KLF12: variants seen among roughly 807,000 people sequenced by gnomAD.
KLF12 encodes Krueppel-like factor 12.
KLF12 carries 9 observed loss-of-function variants against 37.8 expected under a neutral mutation model. The ratio of observed to expected loss-of-function variants is 0.24; its 90% CI spans 0.14 to 0.42. The LOEUF (loss-of-function observed/expected upper bound fraction) is 0.42, where lower values mean the gene tolerates loss of function less well. KLF12 is among the 10% of genes least tolerant of loss of function. The pLI, the probability that KLF12 is intolerant of heterozygous loss-of-function variation, is 1.00. For missense variants in KLF12, 411 were observed against 516.0 expected (o/e 0.80, Z 1.97); for synonymous variants, 208 against 202.1 (o/e 1.03, Z -0.25).
At chr13:74,111,230 A>G (rs886903131) in intron 1 of KLF12, among the ~76,000 whole-genome samples, 1 of 152,086 alleles carries the variant, frequency 6.6e-6, no homozygotes, top group Non-Finnish European at 1.5e-5. Flanking sequence ...AGCAAATTTT[A>G]TTGATTCACT....
chr13:74,167,397 T>C, the KLF12 span, among the ~76,000 whole-genome samples: 1 of 152,318 alleles, frequency 6.6e-6, no homozygotes. Flanking sequence ...AATAGCTCCT[T>C]TTCCTAGACG....
At chr13:74,028,542 T>C (rs1893034279) in intron 1 of KLF12, among the ~76,000 whole-genome samples, 1 of 152,096 alleles carries the variant, frequency 6.6e-6, no homozygotes, top group Non-Finnish European at 1.5e-5. Context: ...ACAATATATA[T>C]ACATATTTTA....
At chr13:74,274,531 T>C in the KLF12 span, among the ~76,000 whole-genome samples, 1 of 152,162 alleles carries the variant, frequency 6.6e-6, no homozygotes. Flanking sequence ...TATTGCCAAC[T>C]TACTCTTGAG....
the KLF12 span, among the ~76,000 whole-genome samples, chr13:74,287,921 A>G: frequency 6.6e-6 from 1 of 152,154 alleles, no homozygotes; most frequent in Non-Finnish European, 1.5e-5. Flanking sequence ...CATATTAACT[A>G]AGTGCACAGT....
chr13:74,062,379 T>C (rs1873647606), intron 1 of KLF12, among the ~76,000 whole-genome samples: 2 of 152,228 alleles, frequency 1.3e-5, no homozygotes, highest in Admixed American at 6.5e-5. Flanking sequence ...GTGTACACTT[T>C]TAGATCGTTT....
intron 3 of KLF12, among the ~76,000 whole-genome samples, chr13:73,940,657 T>TAAA (rs1190243949): frequency 6.6e-6 from 1 of 151,954 alleles, no homozygotes; most frequent in Non-Finnish European, 1.5e-5. Context: ...ACAAGCTGAA[T>TAAA]AAATAATGTA....
chr13:74,216,110 C>T, the KLF12 span, among the ~76,000 whole-genome samples: 1 of 152,186 alleles, frequency 6.6e-6, no homozygotes, highest in East Asian at 1.9e-4. Flanking sequence ...CCTTTTGGCA[C>T]TTGGCATTCA....
chr13:74,185,560 T>C, the KLF12 span, among the ~76,000 whole-genome samples: 1 of 152,326 alleles, frequency 6.6e-6, no homozygotes, highest in East Asian at 1.9e-4. Context: ...TAGAATTCTG[T>C]TACTTGACCA....
chr13:74,114,048 A>T (rs764306523), intron 1 of KLF12, among the ~76,000 whole-genome samples: 3 of 152,194 alleles, frequency 2.0e-5, no homozygotes, highest in Non-Finnish European at 4.4e-5. Context: ...AGAGCCTGAA[A>T]ATGTGACTTA....
At chr13:74,056,359 A>G (rs1873244334) in intron 1 of KLF12, among the ~76,000 whole-genome samples, 1 of 152,102 alleles carries the variant, frequency 6.6e-6, no homozygotes, top group Non-Finnish European at 1.5e-5. Context: ...TTGTTCCTGT[A>G]TGTTCGTTGG....
intron 2 of KLF12, among the ~76,000 whole-genome samples, chr13:73,988,907 C>T (rs914526166): frequency 5.3e-5 from 8 of 152,144 alleles, no homozygotes; most frequent in Non-Finnish European, 1.2e-4. Context: ...TTAACCTTCA[C>T]AATAATTTTA....
intron 1 of KLF12, among the ~76,000 whole-genome samples, chr13:74,060,621 A>G (rs905900219): frequency 6.6e-6 from 1 of 151,844 alleles, no homozygotes; most frequent in Non-Finnish European, 1.5e-5. Context: ...CTGGTTTTGT[A>G]TCCTACAACT....
chr13:73,931,443 A>T (rs1408015296), intron 3 of KLF12, among the ~76,000 whole-genome samples: 1 of 152,180 alleles, frequency 6.6e-6, no homozygotes, highest in Non-Finnish European at 1.5e-5. Flanking sequence ...AAGAAGATTA[A>T]GGCAAAATCT....
At chr13:74,282,459 GATT>G in the KLF12 span, among the ~76,000 whole-genome samples, 7 of 152,154 alleles carry the variant, frequency 4.6e-5, no homozygotes, top group African/African-American at 1.7e-4. Flanking sequence ...GTTTTCTGTG[GATT>G]CACCCTGCAG....
At chr13:73,984,759 C>T (rs915938872) in intron 2 of KLF12, among the ~76,000 whole-genome samples, 1 of 152,170 alleles carries the variant, frequency 6.6e-6, no homozygotes, top group African/African-American at 2.4e-5. Context: ...GAATTTGGCA[C>T]CAGAACTAGT....
At chr13:74,190,414 C>G in the KLF12 span, among the ~76,000 whole-genome samples, 1 of 152,160 alleles carries the variant, frequency 6.6e-6, no homozygotes, top group Non-Finnish European at 1.5e-5. Flanking sequence ...TAAGGCTGAT[C>G]TTCCTTTGAT....
chr13:74,079,520 C>T (rs1434697744), intron 1 of KLF12, among the ~76,000 whole-genome samples: 1 of 152,186 alleles, frequency 6.6e-6, no homozygotes, highest in Non-Finnish European at 1.5e-5. Flanking sequence ...AACAAGATAA[C>T]TTGATAAGGT....
chr13:73,864,218 T>C (rs1310818226), intron 3 of KLF12, among the ~76,000 whole-genome samples: 1 of 152,170 alleles, frequency 6.6e-6, no homozygotes. Context: ...TAAAAGGGTA[T>C]GGCAGATATC....
At chr13:74,210,287 TG>T in the KLF12 span, among the ~76,000 whole-genome samples, 1 of 152,158 alleles carries the variant, frequency 6.6e-6, no homozygotes, top group Non-Finnish European at 1.5e-5. Flanking sequence ...ATTATTATGG[TG>T]AATGAAGAAG....
Sources: gnomAD v4.1 joint callset for allele counts (sites outside exome capture counted in the v4.1 genomes callset) on GRCh38, gnomAD v4.1.1 for gene constraint, MANE v1.5 for transcripts, NCBI Gene and HGNC (gene_info 2026-07-23, HGNC 2026-07-21) for gene names.